SPTA1: variants seen among roughly 807,000 people sequenced by gnomAD.
SPTA1 encodes spectrin alpha, erythrocytic 1.
Under a neutral mutation model 324.7 loss-of-function variants are expected in SPTA1, and 177 were observed. The observed-to-expected ratio is 0.55, with a 90% confidence interval of 0.48 to 0.62. The LOEUF (loss-of-function observed/expected upper bound fraction) is 0.62, where lower values mean the gene tolerates loss of function less well. Ranked by LOEUF, SPTA1 falls within the 20% of genes least tolerant of loss-of-function variation. The probability of loss-of-function intolerance (pLI) is 0.00; values close to 1 mark genes in which losing one functional copy is unlikely to be tolerated. For missense variants in SPTA1, 3,162 were observed against 2,883.6 expected (o/e 1.10, Z -2.21); for synonymous variants, 1,195 against 1,041.3 (o/e 1.15, Z -2.84).
rs184492081 is a variant in SPTA1, at chr1:158,632,341, C to T, written c.5565+2202G>A. 8.3e-4 allele frequency among the ~76,000 whole-genome samples: 127 copies of T among 152,204 alleles called. 1 individual carries two copies. The highest frequency in any genetic ancestry group is 1.6e-3 in the Non-Finnish European group (107 of 68,004). ...AAATTACAGTCAAGCAAGATGAAAA[C>T]GCTCAAGAGCATTTCTATACAGCCT... On this transcript the variant is annotated intron_variant, in intron 39 of 51. Transcript: ENST00000643759.
At position 158,626,833 on chromosome 1, in the gene SPTA1, T is replaced by C; in HGVS notation, c.5833+6A>G. 6.2e-7 allele frequency: 1 copy of C among 1,613,434 alleles called. No homozygotes were observed. Among genetic ancestry groups the C allele is most frequent in the South Asian group, 1.1e-5 (1 of 91,070 alleles). On this transcript the variant is annotated splice_donor_region_variant and intron_variant, in intron 41 of 51. Transcript: ENST00000643759. Reference sequence around the variant, plus strand: ...CCCAAGGGACCCTGAACCTGACACATCATACCTATCCAAGCCTCTACCACA... The same window carrying C: ...CCCAAGGGACCCTGAACCTGACACACCATACCTATCCAAGCCTCTACCACA...
intron 16 of SPTA1, among the ~76,000 whole-genome samples, chr1:158,664,415 G>A (rs1653449622): frequency 6.6e-6 from 1 of 152,142 alleles, no homozygotes; most frequent in Non-Finnish European, 1.5e-5. Flanking sequence ...ATTCTCAGCA[G>A]ACTAACACAG....
chr1:158,677,832 TC>T lies in SPTA1; in HGVS notation c.814del (p.Asp272MetfsTer2). 1 of 1,613,518 alleles carries T rather than the reference TC, an allele frequency of 6.2e-7. No homozygotes were observed. The highest frequency in any genetic ancestry group is 8.5e-7 in the Non-Finnish European group (1 of 1,179,662). On this transcript the variant is annotated frameshift_variant and splice_region_variant, in exon 7 of 52. Transcript: ENST00000643759. LOFTEE classifies it high-confidence loss of function. ...NAANLQRFKR[D>X]VTEAIQWIKE... Reference sequence around the variant, plus strand: ...GATCCACTGGATGGCTTCAGTCACATCCCTGCAGTCATTAACAAGAGCTCCA... The same window carrying T: ...GATCCACTGGATGGCTTCAGTCACATCCTGCAGTCATTAACAAGAGCTCCA...
At chr1:158,649,764 A>T in intron 25 of SPTA1, 92 bp downstream of exon 25, 3 of 1,072,296 alleles carry the variant, frequency 2.8e-6, no homozygotes, top group Non-Finnish European at 4.2e-6. Flanking sequence ...TCACGAAAAA[A>T]GATTATACTA....
In SPTA1 at chr1:158,672,202, GA is replaced by G. The variant is rs1405090694; in HGVS notation, c.1351-7del. Reference sequence around the variant, plus strand: ...TTGTTGTCAAGTATTTCCATCTTTGGAAAGAAGGAGATAATGTATATGGAAG... The same window carrying G: ...TTGTTGTCAAGTATTTCCATCTTTGGAAGAAGGAGATAATGTATATGGAAG... On this transcript the variant is annotated splice_region_variant and splice_polypyrimidine_tract_variant and intron_variant, in intron 10 of 51. Transcript: ENST00000643759. 6.2e-7 allele frequency: 1 copy of G among 1,613,034 alleles called. No homozygotes were observed. Among genetic ancestry groups the G allele is most frequent in the African/African-American group, 1.3e-5 (1 of 74,886 alleles).
chr1:158,660,771 GAT>G (rs1450107745), intron 18 of SPTA1, among the ~76,000 whole-genome samples: 2 of 152,166 alleles, frequency 1.3e-5, no homozygotes, highest in Non-Finnish European at 2.9e-5. Context: ...CCTGGCTTAT[GAT>G]GTTCAAAACT....
At chr1:158,643,036 A>G in intron 31 of SPTA1, 60 bp from the exon 32 acceptor site, 2 of 1,601,766 alleles carry the variant, frequency 1.2e-6, no homozygotes, top group South Asian at 2.2e-5. Context: ...CTCTGATGCC[A>G]TATCCATAAA....
At position 158,672,200 on chromosome 1, in the gene SPTA1, T is replaced by C. The variant is rs200868774; in HGVS notation, c.1351-4A>G. ...AGTTGTTGTCAAGTATTTCCATCTT[T>C]GGAAAGAAGGAGATAATGTATATGG... On this transcript the variant is annotated splice_polypyrimidine_tract_variant and splice_region_variant and intron_variant, in intron 10 of 51. Transcript: ENST00000643759. 1,112 of 1,613,514 alleles carry C rather than the reference T, an allele frequency of 6.9e-4. 1 individual carries two copies. The highest frequency in any genetic ancestry group is 8.7e-4 in the Non-Finnish European group (1,032 of 1,179,778).
rs199899448 is a variant in SPTA1 at position 158,642,436 on chromosome 1, C to T, written c.4712G>A (p.Cys1571Tyr). 3 of 1,613,576 alleles carry T rather than the reference C, an allele frequency of 1.9e-6. No individual in the cohort carries two copies. The highest frequency in any genetic ancestry group is 2.2e-5 in the East Asian group (1 of 44,872). Residue 1571 changes from cysteine (C) to tyrosine (Y), a missense_variant, in exon 33 of 52, where the codon TGT becomes TAT. Coordinates refer to ENST00000643759, the MANE Select transcript of SPTA1 (RefSeq NM_003126.4). Reference sequence around the variant, plus strand: ...CTTCATGGCCTCTTCATTGCCATCACAAGCGCTACACTCAATCAGGGAGTT... The same window carrying T: ...CTTCATGGCCTCTTCATTGCCATCATAAGCGCTACACTCAATCAGGGAGTT... ...LGNSLIECSA[C>Y]DGNEEAMKEQ...
At chr1:158,616,870 T>C (rs567688440) in intron 47 of SPTA1, among the ~76,000 whole-genome samples, 12 of 152,322 alleles carry the variant, frequency 7.9e-5, no homozygotes, top group African/African-American at 2.9e-4. Flanking sequence ...TATTTCCACT[T>C]TCTCTACATC....
intron 18 of SPTA1, 150 bp downstream of exon 18, chr1:158,661,137 T>C (rs1482273393): frequency 7.6e-6 from 9 of 1,187,130 alleles, no homozygotes; most frequent in East Asian, 7.0e-5. Flanking sequence ...CAAAACCATA[T>C]GCCCATTTGT....
chr1:158,654,933 G>C (rs1249617150), intron 20 of SPTA1, among the ~76,000 whole-genome samples, 185 bp from the exon 21 acceptor site: 1 of 152,014 alleles, frequency 6.6e-6, no homozygotes, highest in Non-Finnish European at 1.5e-5. Flanking sequence ...ACACTTATCG[G>C]GGACAGGCAG....
intron 36 of SPTA1, among the ~76,000 whole-genome samples, chr1:158,637,263 T>C (rs1228098365): frequency 6.6e-6 from 1 of 152,190 alleles, no homozygotes; most frequent in African/African-American, 2.4e-5. Flanking sequence ...GAAGACTACA[T>C]GGACAAGATT....
chr1:158,677,927 T>C (rs2101934845), intron 6 of SPTA1, 93 bp from the exon 7 acceptor site: 4 of 1,511,452 alleles, frequency 2.6e-6, no homozygotes, highest in East Asian at 4.5e-5. Flanking sequence ...CCATCCTAGT[T>C]GACCCAGGAG....
chr1:158,671,545 G>A (rs1654028704), intron 11 of SPTA1, 92 bp from the exon 12 acceptor site: 1 of 1,013,422 alleles, frequency 9.9e-7, no homozygotes, highest in African/African-American at 1.6e-5. Context: ...TAAGGCAGGA[G>A]GGAACAAGGT....
chr1:158,624,217 C>CA (rs1293251813), intron 42 of SPTA1, among the ~76,000 whole-genome samples: 1 of 152,230 alleles, frequency 6.6e-6, no homozygotes, highest in African/African-American at 2.4e-5. Flanking sequence ...CCGCCCCTGA[C>CA]AGAGCCCTCA....
chr1:158,669,688 G>A (rs767578558), intron 13 of SPTA1, 21 bp downstream of exon 13: 2 of 1,614,060 alleles, frequency 1.2e-6, no homozygotes, highest in Non-Finnish European at 1.7e-6. Flanking sequence ...GCACACAGAA[G>A]CTCTAGGCCC....
Position 158,623,110 on chromosome 1 carries a change from G to A in SPTA1, c.5993C>T (p.Ala1998Val). 6.2e-7 allele frequency: 1 copy of A among 1,614,134 alleles called. No individual in the cohort carries two copies. The highest frequency in any genetic ancestry group is 8.5e-7 in the Non-Finnish European group (1 of 1,180,032). The change falls in exon 43 of 52, where the codon GCT becomes GTT. Residue 1998 changes from alanine to valine, a missense_variant. Coordinates refer to ENST00000643759, the MANE Select transcript of SPTA1 (RefSeq NM_003126.4). ...AATGGCTTTAGACTGGTTGTGTTGA[G>A]CAGAAATCAGTTTGTCCTTCAGGTC... ...ITDLKDKLISAQHNQSKAIEE... is the reference protein window; with the variant it reads ...ITDLKDKLISVQHNQSKAIEE...
At chr1:158,669,282 C>G (rs1201559328) in intron 14 of SPTA1, 126 bp downstream of exon 14, 20 of 1,306,724 alleles carry the variant, frequency 1.5e-5, no homozygotes, top group Non-Finnish European at 2.2e-5. Context: ...TTTTCTGAGC[C>G]TCTGTTTTGT....
Sources: gnomAD v4.1 joint callset for allele counts (sites outside exome capture counted in the v4.1 genomes callset) on GRCh38, gnomAD v4.1.1 for gene constraint, MANE v1.5 for transcripts, NCBI Gene and HGNC (gene_info 2026-07-23, HGNC 2026-07-21) for gene names.